The following NKX6-1 variants were observed in gnomAD, a reference collection of about 807,000 sequenced individuals.
NKX6-1 encodes the protein homeobox protein Nkx-6.1.
NKX6-1 carries 11 observed loss-of-function variants against 24.9 expected under a neutral mutation model. The ratio of observed to expected loss-of-function variants is 0.44; its 90% CI spans 0.28 to 0.73. NKX6-1 has a LOEUF of 0.73. Among genes scored for constraint, NKX6-1 ranks in the 30% least tolerant of loss-of-function variants. The pLI is 0.15. For synonymous variants in NKX6-1, 277 were observed against 242.9 expected, an observed-to-expected ratio of 1.14 and a Z score of -1.31; for missense variants, 487 against 502.9, an observed-to-expected ratio of 0.97 and a Z score of 0.30.
rs1207963485 is a variant in NKX6-1 at position 84,495,846 on chromosome 4, TGTGAGAACCAATAAACAACGAGAGAGG to T, written c.671-29_671-3del. 1 of 1,613,920 alleles carries T rather than the reference TGTGAGAACCAATAAACAACGAGAGAGG, an allele frequency of 6.2e-7. No homozygotes were observed. Among genetic ancestry groups the T allele is most frequent in the Non-Finnish European group, 8.5e-7 (1 of 1,179,944 alleles). ...TGTCCAACAAAATGGATCCTTGATC[TGTGAGAACCAATAAACAACGAGAGAGG>T]GGGAAAAACAATCGGTTACAAGCGG... On this transcript the variant is annotated splice_polypyrimidine_tract_variant and splice_region_variant and intron_variant, in intron 1 of 2. Transcript: ENST00000295886.
At chr4:84,494,062 C>G (rs1408519827) in intron 2 of NKX6-1, among the ~76,000 whole-genome samples, 1 of 151,584 alleles carries the variant, frequency 6.6e-6, no homozygotes, top group African/African-American at 2.4e-5. Flanking sequence ...CTTCTGTTCT[C>G]CTTTTCACTT....
At position 84,493,345 on chromosome 4, in the gene NKX6-1, T is replaced by C. The variant is rs751750031; in HGVS notation, c.1048A>G (p.Ser350Gly). 5.6e-6 allele frequency: 9 copies of C among 1,611,970 alleles called. No individual in the cohort carries two copies. The highest frequency in any genetic ancestry group is 5.5e-5 in the South Asian group (5 of 91,012). Reference protein sequence around the residue: ...TQLLKKHKSSSGGGGGLLLHA... With the variant: ...TQLLKKHKSSGGGGGGLLLHA... The stretch of plus-strand genomic sequence containing the variant: ...AGTAGGAGGCCGCCGCCGCCGCCGC[T>C]GCTGGACTTGTGCTTCTTCAACAGC... Residue 350 changes from serine (S) to glycine (G), a missense_variant, in exon 3 of 3, where the codon AGC becomes GGC. Transcript: ENST00000295886. This position sits in a 1 kb window ranked among gnomAD's most constrained non-coding sequence, Gnocchi z 5.1.
chr4:84,493,451 C>A lies in NKX6-1; in HGVS notation c.942G>T (p.Lys314Asn). 6.2e-7 allele frequency: 1 copy of A among 1,614,274 alleles called. No homozygotes were observed. Among genetic ancestry groups the A allele is most frequent in the Non-Finnish European group, 8.5e-7 (1 of 1,180,052 alleles). The stretch of plus-strand genomic sequence containing the variant: ...CCTCTTCCTCGTTCTCCGAGGCCCC[C>A]TTGAGGCGCTCTGTCTCCGAGTCCT... ...KKQDSETERL[K>N]GASENEEEDD... The change falls in exon 3 of 3, where the codon AAG becomes AAT. Residue 314 changes from lysine to asparagine, a missense_variant. Lys to Asn is a moderately conservative substitution (Grantham distance 94). Around this residue, in one of 3 missense-constraint regions of NKX6-1, gnomAD observed 126 missense variants for 105.5 expected, o/e 1.19. Coordinates refer to ENST00000295886, the MANE Select transcript of NKX6-1 (RefSeq NM_006168.3). This position sits in a 1 kb window ranked among gnomAD's most constrained non-coding sequence, Gnocchi z 5.1.
chr4:84,495,903 A>G (rs1447659081), intron 1 of NKX6-1, 59 bp from the exon 2 acceptor site: 21 of 1,547,964 alleles, frequency 1.4e-5, no homozygotes, highest in Non-Finnish European at 1.8e-5. Flanking sequence ...AAGCGGCTGC[A>G]CTAGGGGGAA....
rs143458004 is a variant in NKX6-1 at position 84,493,330 on chromosome 4, C to T, written c.1063G>A (p.Gly355Ser). The change falls in exon 3 of 3, where the codon GGC becomes AGC. Residue 355 changes from glycine to serine, a missense_variant. Physicochemically the swap from Gly to Ser is moderately conservative, Grantham distance 56. This residue lies in a region of NKX6-1 where 126 missense variants were observed against 105.5 expected (regional missense o/e 1.19). Transcript: ENST00000295886. The surrounding 1 kb of genome is among the most constrained non-coding windows in gnomAD (Gnocchi z 5.1). ...GGCTCGGACGCGTGCAGTAGGAGGCCGCCGCCGCCGCCGCTGCTGGACTTG... is the reference window on the plus strand; with the variant it reads ...GGCTCGGACGCGTGCAGTAGGAGGCTGCCGCCGCCGCCGCTGCTGGACTTG... ...KHKSSSGGGG[G>S]LLLHASEPES... The T allele has an allele frequency of 9.2e-5, 148 of 1,603,774 alleles. No individual in the cohort carries two copies. The highest frequency in any genetic ancestry group is 1.2e-4 in the Non-Finnish European group (145 of 1,174,834).
At position 84,493,214 on chromosome 4, in the gene NKX6-1, TGCA is replaced by T; in HGVS notation, c.*72_*74del. The T allele has an allele frequency of 7.5e-7, 1 of 1,331,226 alleles. No individual in the cohort carries two copies. The highest frequency in any genetic ancestry group is 1.9e-5 in the South Asian group (1 of 53,216). 82.5% of individuals were successfully genotyped at this position (1,331,226 alleles called of 1,614,324 possible). ...CCCCGAGGAGCGGGCAGGCGCGGCGTGCACGCGGTCCCCGCGCCCCTCGCGGCC... is the reference window on the plus strand; with the variant it reads ...CCCCGAGGAGCGGGCAGGCGCGGCGTCGCGGTCCCCGCGCCCCTCGCGGCC... On this transcript the variant is annotated 3_prime_UTR_variant, in exon 3 of 3. Transcript: ENST00000295886. This position sits in a 1 kb window ranked among gnomAD's most constrained non-coding sequence, Gnocchi z 5.1.
Position 84,498,383 on chromosome 4 carries a change from C to G in NKX6-1, c.-155G>C, listed in dbSNP as rs756635529. ...CCAACTGAACCAAAAATGCCGCTGC[C>G]GGGAGTTGCTCGCCTAGCTGCGCAG... is the stretch of plus-strand genomic sequence containing the variant. On this transcript the variant is annotated 5_prime_UTR_variant, in exon 1 of 3. Coordinates refer to ENST00000295886, the MANE Select transcript of NKX6-1 (RefSeq NM_006168.3). 51 of 780,164 alleles carry G rather than the reference C, an allele frequency of 6.5e-5. No homozygotes were observed. Among genetic ancestry groups the G allele is most frequent in the Non-Finnish European group, 8.3e-5 (48 of 575,786 alleles). 48.3% of individuals were successfully genotyped at this position (780,164 alleles called of 1,614,324 possible).
rs1034233883 is a variant in NKX6-1, at chr4:84,493,225, C to T, written c.*64G>A. 1.1e-4 allele frequency: 154 copies of T among 1,391,926 alleles called. No homozygotes were observed. The highest frequency in any genetic ancestry group is 1.4e-4 in the Non-Finnish European group (149 of 1,076,974). 86.2% of individuals were successfully genotyped at this position (1,391,926 alleles called of 1,614,324 possible). On this transcript the variant is annotated 3_prime_UTR_variant, in exon 3 of 3. Transcript: ENST00000295886. The surrounding 1 kb of genome is among the most constrained non-coding windows in gnomAD (Gnocchi z 5.1). ...GGGCAGGCGCGGCGTGCACGCGGTC[C>T]CCGCGCCCCTCGCGGCCCCAGAGGT...
At position 84,497,329 on chromosome 4, in the gene NKX6-1, T is replaced by C. The variant is rs1286342612; in HGVS notation, c.670+230A>G. On this transcript the variant is annotated intron_variant, in intron 1 of 2. Coordinates refer to ENST00000295886, the MANE Select transcript of NKX6-1 (RefSeq NM_006168.3). This position sits in a 1 kb window ranked among gnomAD's most constrained non-coding sequence, Gnocchi z 4.8. Reference sequence around the variant, plus strand: ...ACACACCGGCTCAGCCCAGGCGTACTCAAGACTTAGAGAGAGGGAGGCGCT... The same window carrying C: ...ACACACCGGCTCAGCCCAGGCGTACCCAAGACTTAGAGAGAGGGAGGCGCT... Among the ~76,000 whole-genome samples the C allele has an allele frequency of 1.3e-5, 2 of 152,082 alleles. No individual in the cohort carries two copies. The highest frequency in any genetic ancestry group is 1.5e-5 in the Non-Finnish European group (1 of 68,006).
Position 84,492,987 on chromosome 4 carries a change from A to C in NKX6-1, c.*302T>G. ...CGGGCGCTGAGGCCGCTGCCCGCCT[A>C]TGGGGACGCGGCTGGGACCGTGGCC... On this transcript the variant is annotated 3_prime_UTR_variant, in exon 3 of 3. Coordinates refer to ENST00000295886, the MANE Select transcript of NKX6-1 (RefSeq NM_006168.3). The C allele has an allele frequency of 1.1e-5, 2 of 188,500 alleles. No individual in the cohort carries two copies. The highest frequency in any genetic ancestry group is 1.3e-4 in the East Asian group (1 of 7,916). The allele number at this position is 188,500 out of a possible 1,614,324, so 11.7% of individuals were successfully genotyped here.
Position 84,494,407 on chromosome 4 carries a change from T to C in NKX6-1, c.844-858A>G, listed in dbSNP as rs965128467. On this transcript the variant is annotated intron_variant, in intron 2 of 2. Coordinates refer to ENST00000295886, the MANE Select transcript of NKX6-1 (RefSeq NM_006168.3). ...AATATTTTTAAGCTTATTCATGATG[T>C]TTGACACATATTTTACCTAAAGCAT... Among the ~76,000 whole-genome samples, 5 of 152,332 alleles carry C rather than the reference T, an allele frequency of 3.3e-5. No individual in the cohort carries two copies. The East Asian group carries it at 9.6e-4, about 29-fold the overall frequency.
At chr4:84,496,572 C>G (rs1165504948) in intron 1 of NKX6-1, 1 of 152,210 alleles carries the variant, frequency 6.6e-6, no homozygotes, top group African/African-American at 2.4e-5. Flanking sequence ...GAAGAAACTT[C>G]GGAGACTCGC....
intron 1 of NKX6-1, chr4:84,496,517 C>A (rs533360645): frequency 6.6e-6 from 1 of 152,274 alleles, no homozygotes; most frequent in African/African-American, 2.4e-5. Flanking sequence ...CGCAACTTCC[C>A]GCAGTTACTG....
chr4:84,493,983 AAAC>A lies in NKX6-1; in HGVS notation c.844-437_844-435del, dbSNP rs1479106089. ...TTACTTTCTTAAATTAAGAAATTTC[AAAC>A]AACCTGACACGTACTTGCTTTTCGG... On this transcript the variant is annotated intron_variant, in intron 2 of 2. Coordinates refer to ENST00000295886, the MANE Select transcript of NKX6-1 (RefSeq NM_006168.3). This position sits in a 1 kb window ranked among gnomAD's most constrained non-coding sequence, Gnocchi z 5.1. 1.3e-5 allele frequency among the ~76,000 whole-genome samples: 2 copies of A among 152,186 alleles called. No homozygotes were observed. The highest frequency in any genetic ancestry group is 1.9e-4 in the East Asian group (1 of 5,198).
Position 84,497,625 on chromosome 4 carries a change from G to T in NKX6-1, c.604C>A (p.Pro202Thr). ...KPLAELPGRT[P>T]IFWPGVMQSP... ...TGCATCACTCCGGGCCAGAAGATGGGCGTCCGGCCAGGCAGCTCAGCCAGC... is the reference window on the plus strand; with the variant it reads ...TGCATCACTCCGGGCCAGAAGATGGTCGTCCGGCCAGGCAGCTCAGCCAGC... The change falls in exon 1 of 3, where the codon CCC (proline) becomes ACC (threonine). Residue 202 changes from proline (P) to threonine (T), a missense_variant. By Grantham distance (38) the Pro-to-Thr change is conservative. Coordinates refer to ENST00000295886, the MANE Select transcript of NKX6-1 (RefSeq NM_006168.3). This position sits in a 1 kb window ranked among gnomAD's most constrained non-coding sequence, Gnocchi z 4.8. The T allele has an allele frequency of 7.8e-7, 1 of 1,281,110 alleles. No individual in the cohort carries two copies. Among genetic ancestry groups the T allele is most frequent in the African/African-American group, 1.5e-5 (1 of 65,062 alleles). 79.4% of individuals were successfully genotyped at this position (1,281,110 alleles called of 1,614,324 possible). A position where few individuals can be genotyped will look rare whatever the true frequency, so the allele number is the denominator to read the frequency against.
At chr4:84,494,342 T>A (rs1037901718) in intron 2 of NKX6-1, among the ~76,000 whole-genome samples, 1 of 152,232 alleles carries the variant, frequency 6.6e-6, no homozygotes, top group African/African-American at 2.4e-5. Context: ...TTCTTTCAAA[T>A]GTTATTTTAA....
intron 2 of NKX6-1, among the ~76,000 whole-genome samples, chr4:84,495,209 C>T (rs114157768): frequency 0.031 from 4,642 of 152,150 alleles, 88 homozygotes; most frequent in Non-Finnish European, 0.044. Context: ...TTTTTACTTG[C>T]GAATTAATAC....
At position 84,493,754 on chromosome 4, in the gene NKX6-1, A is replaced by C. The variant is rs1234114375; in HGVS notation, c.844-205T>G. Among the ~76,000 whole-genome samples, 1 of 152,162 alleles carries C rather than the reference A, an allele frequency of 6.6e-6. No individual in the cohort carries two copies. Among genetic ancestry groups the C allele is most frequent in the Admixed American group, 6.5e-5 (1 of 15,284 alleles). On this transcript the variant is annotated intron_variant, in intron 2 of 2. Coordinates refer to ENST00000295886, the MANE Select transcript of NKX6-1 (RefSeq NM_006168.3). The surrounding 1 kb of genome is among the most constrained non-coding windows in gnomAD (Gnocchi z 5.1). ...TTCCCCCTGAGTAACTGGCACCAAC[A>C]AACTGACTGCCGTTGCCATAGCGAT...
At position 84,497,485 on chromosome 4, in the gene NKX6-1, C is replaced by G. The variant is rs780409531; in HGVS notation, c.670+74G>C. On this transcript the variant is annotated intron_variant, in intron 1 of 2. Transcript: ENST00000295886. This position sits in a 1 kb window ranked among gnomAD's most constrained non-coding sequence, Gnocchi z 4.8. ...CAGGATGGACTGAGCGGCATGCACA[C>G]CAGGGGCCGCGACCCGGGAGTGGGC... The G allele has an allele frequency of 3.2e-6, 4 of 1,248,866 alleles. No individual in the cohort carries two copies. Among genetic ancestry groups the G allele is most frequent in the Non-Finnish European group, 4.0e-6 (4 of 988,576 alleles). 77.4% of individuals were successfully genotyped at this position (1,248,866 alleles called of 1,614,324 possible).
Sources: allele counts gnomAD v4.1 joint callset (sites outside exome capture counted in the v4.1 genomes callset), GRCh38; gene constraint gnomAD v4.1.1; regional missense constraint gnomAD v4.1.1; non-coding constraint Gnocchi (gnomAD v3.1); transcripts MANE v1.5; gene names NCBI Gene and HGNC (gene_info 2026-07-23, HGNC 2026-07-21).